FRMD6: variants seen among roughly 807,000 people sequenced by gnomAD.
FRMD6 encodes FERM domain containing 6, also known as FERM domain-containing protein 6.
A neutral mutation model predicts 73.2 loss-of-function variants in FRMD6; 37 were observed. The observed-to-expected ratio is 0.51, with a 90% CI of 0.39 to 0.66. FRMD6 has a LOEUF of 0.66. Ranked by LOEUF, FRMD6 falls within the 30% of genes least tolerant of loss-of-function variation. The pLI is 0.00. For synonymous variants in FRMD6, 273 were observed against 282.2 expected (o/e 0.97, Z 0.33); for missense variants, 714 against 780.5 (o/e 0.91, Z 1.02).
At chr14:51,483,888 A>T in the FRMD6 span, among the ~76,000 whole-genome samples, 1 of 152,176 alleles carries the variant, frequency 6.6e-6, no homozygotes, top group African/African-American at 2.4e-5. Context: ...AGAGGTAATT[A>T]TTCGTCATAT....
chr14:51,599,467 G>A (rs1020303886), intron 2 of FRMD6, among the ~76,000 whole-genome samples: 4 of 152,096 alleles, frequency 2.6e-5, no homozygotes, highest in African/African-American at 9.7e-5. Context: ...AAAAGCAATT[G>A]CAACAAAAAC....
chr14:51,690,653 A>T (rs1441136248), intron 2 of FRMD6, among the ~76,000 whole-genome samples: 4 of 152,144 alleles, frequency 2.6e-5, no homozygotes, highest in African/African-American at 9.7e-5. Context: ...TAGTGCTGGG[A>T]TTACAGGCGT....
intron 2 of FRMD6, among the ~76,000 whole-genome samples, chr14:51,691,762 T>C (rs1332868761): frequency 6.6e-6 from 1 of 151,626 alleles, no homozygotes; most frequent in African/African-American, 2.4e-5. Flanking sequence ...ACCTGGCTAA[T>C]TTTTGTAATT....
chr14:51,420,249 T>C, the FRMD6 span, among the ~76,000 whole-genome samples: 1 of 152,224 alleles, frequency 6.6e-6, no homozygotes, highest in Non-Finnish European at 1.5e-5. Context: ...GTCACTCTAC[T>C]ACTATTGTCA....
intron 1 of FRMD6, among the ~76,000 whole-genome samples, chr14:51,550,936 G>A (rs149163580): frequency 0.011 from 1,673 of 152,144 alleles, 14 homozygotes; most frequent in Admixed American, 0.028. Flanking sequence ...TGCTGGTCCC[G>A]GGTACCACCC....
At chr14:51,554,593 C>G (rs2139459326) in intron 1 of FRMD6, 1 of 152,318 alleles carries the variant, frequency 6.6e-6, no homozygotes, top group East Asian at 1.9e-4. Context: ...TCCCCAGAAT[C>G]CATGACCACA....
chr14:51,579,984 TC>T (rs1350953341), intron 2 of FRMD6, among the ~76,000 whole-genome samples: 1 of 151,996 alleles, frequency 6.6e-6, no homozygotes, highest in African/African-American at 2.4e-5. Flanking sequence ...GACTCACATA[TC>T]CCCCATTTCC....
intron 2 of FRMD6, among the ~76,000 whole-genome samples, chr14:51,697,812 A>C (rs1480269950): frequency 2.6e-5 from 4 of 152,160 alleles, no homozygotes; most frequent in Non-Finnish European, 5.9e-5. Context: ...TTGCCAAATA[A>C]ATATTTTTAG....
intron 1 of FRMD6, among the ~76,000 whole-genome samples, chr14:51,682,651 G>T (rs1399950183): frequency 6.6e-6 from 1 of 152,178 alleles, no homozygotes; most frequent in Non-Finnish European, 1.5e-5. Flanking sequence ...TTTCCTCTGT[G>T]ATGATGTCCT....
At chr14:51,435,612 A>G in the FRMD6 span, among the ~76,000 whole-genome samples, 1 of 152,206 alleles carries the variant, frequency 6.6e-6, no homozygotes, top group Non-Finnish European at 1.5e-5. Flanking sequence ...ATTCAAAACT[A>G]TTACTAAATA....
At chr14:51,699,598 A>T (rs895444667) in intron 3 of FRMD6, among the ~76,000 whole-genome samples, 3 of 152,052 alleles carry the variant, frequency 2.0e-5, no homozygotes, top group Non-Finnish European at 4.4e-5. Context: ...CCTAACTAGC[A>T]CTTGACTTCT....
intron 8 of FRMD6, among the ~76,000 whole-genome samples, chr14:51,711,989 C>T (rs1008760385): frequency 2.4e-4 from 36 of 152,232 alleles, no homozygotes; most frequent in African/African-American, 8.2e-4. Flanking sequence ...CCTGACCAGA[C>T]GTTTTAATTT....
chr14:51,606,314 A>G (rs533924451), intron 2 of FRMD6, among the ~76,000 whole-genome samples: 1 of 152,360 alleles, frequency 6.6e-6, no homozygotes, highest in East Asian at 1.9e-4. Context: ...ACAAGCACAC[A>G]TATTAATGTA....
chr14:51,530,402 G>A (rs962808804), intron 1 of FRMD6, among the ~76,000 whole-genome samples: 4 of 152,184 alleles, frequency 2.6e-5, no homozygotes, highest in Non-Finnish European at 5.9e-5. Flanking sequence ...GAAAGTAACA[G>A]GTAGATATTA....
At chr14:51,474,842 A>G in the FRMD6 span, among the ~76,000 whole-genome samples, 1 of 152,236 alleles carries the variant, frequency 6.6e-6, no homozygotes, top group African/African-American at 2.4e-5. Context: ...CCTATCAAAC[A>G]GCTGTAACTG....
chr14:51,425,541 C>T, the FRMD6 span, among the ~76,000 whole-genome samples: 3 of 152,272 alleles, frequency 2.0e-5, no homozygotes, highest in East Asian at 3.9e-4. Flanking sequence ...CTCAAACTCA[C>T]CTTCTCTTTT....
the FRMD6 span, among the ~76,000 whole-genome samples, chr14:51,469,570 G>A: frequency 1.1e-4 from 15 of 136,878 alleles, no homozygotes; most frequent in East Asian, 1.2e-3. Flanking sequence ...CCAAGATAGC[G>A]CCACTGCACT....
chr14:51,404,174 A>G, the FRMD6 span, among the ~76,000 whole-genome samples: 1 of 152,184 alleles, frequency 6.6e-6, no homozygotes, highest in African/African-American at 2.4e-5. Context: ...CTTAACACTA[A>G]TAAAATTGAT....
chr14:51,475,811 G>A, the FRMD6 span, among the ~76,000 whole-genome samples: 1 of 152,164 alleles, frequency 6.6e-6, no homozygotes, highest in Non-Finnish European at 1.5e-5. Context: ...GTGAAAAAGG[G>A]AGGACAATAA....
Sources: gnomAD v4.1 joint callset for allele counts (sites outside exome capture counted in the v4.1 genomes callset) on GRCh38, gnomAD v4.1.1 for gene constraint, MANE v1.5 for transcripts, NCBI Gene and HGNC (gene_info 2026-07-23, HGNC 2026-07-21) for gene names.